The following CERKL variants were observed in gnomAD, a reference collection of about 807,000 sequenced individuals.
The protein encoded by CERKL is ceramide kinase-like protein.
A neutral mutation model predicts 63.4 loss-of-function variants in CERKL; 61 were observed. The ratio of observed to expected loss-of-function variants is 0.96; its 90% confidence interval spans 0.78 to 1.19. The LOEUF is 1.19. CERKL is among the 50% of genes most tolerant of loss of function. The probability of loss-of-function intolerance (pLI) is 0.00; values close to 1 mark genes in which losing one functional copy is unlikely to be tolerated. For synonymous variants in CERKL, 250 were observed against 230.5 expected (o/e 1.08, Z -0.77); for missense variants, 675 against 655.5 (o/e 1.03, Z -0.33).
At chr2:181,610,860 G>A (rs1685937681) in intron 1 of CERKL, among the ~76,000 whole-genome samples, 2 of 152,094 alleles carry the variant, frequency 1.3e-5, no homozygotes, top group African/African-American at 2.4e-5. Context: ...AAATATACCT[G>A]GTTTTGATCC....
At chr2:181,634,979 G>GA (rs967479840) in intron 1 of CERKL, among the ~76,000 whole-genome samples, 24 of 152,116 alleles carry the variant, frequency 1.6e-4, no homozygotes, top group African/African-American at 5.5e-4. Flanking sequence ...ATTACTGACT[G>GA]AAAATCTTTG....
At chr2:181,608,949 C>A (rs911862481) in intron 1 of CERKL, among the ~76,000 whole-genome samples, 6 of 152,084 alleles carry the variant, frequency 3.9e-5, no homozygotes, top group African/African-American at 1.4e-4. Flanking sequence ...ATTCCCATAT[C>A]AATTAGCATA....
At chr2:181,572,619 TC>T (rs1233683374) in intron 3 of CERKL, among the ~76,000 whole-genome samples, 16 of 150,870 alleles carry the variant, frequency 1.1e-4, no homozygotes, top group African/African-American at 2.9e-4. Flanking sequence ...TACTTGTAAA[TC>T]ACCTCTAAAT....
At chr2:181,640,455 T>C (rs2105508482) in intron 1 of CERKL, among the ~76,000 whole-genome samples, 1 of 152,338 alleles carries the variant, frequency 6.6e-6, no homozygotes, top group Non-Finnish European at 1.5e-5. Flanking sequence ...ATTTTAATGA[T>C]GCTTGTAGAC....
chr2:181,587,955 A>G (rs903444044), intron 2 of CERKL, among the ~76,000 whole-genome samples: 1 of 152,164 alleles, frequency 6.6e-6, no homozygotes, highest in Non-Finnish European at 1.5e-5. Context: ...CTTGTGTACT[A>G]TATGTTGAAG....
At chr2:181,634,203 T>C (rs1027888391) in intron 1 of CERKL, among the ~76,000 whole-genome samples, 4 of 152,082 alleles carry the variant, frequency 2.6e-5, no homozygotes, top group Non-Finnish European at 5.9e-5. Context: ...ACTCAAATAT[T>C]GTAGATTCAC....
chr2:181,554,397 C>G (rs1260198526), intron 5 of CERKL, among the ~76,000 whole-genome samples: 3 of 152,080 alleles, frequency 2.0e-5, no homozygotes, highest in African/African-American at 7.2e-5. Context: ...AGTCCCTCGG[C>G]AATATTTTAT....
chr2:181,552,355 G>A (rs1162307820), intron 5 of CERKL, among the ~76,000 whole-genome samples: 2 of 152,110 alleles, frequency 1.3e-5, no homozygotes, highest in Admixed American at 6.6e-5. Flanking sequence ...TCACGGGGGT[G>A]GTTTCCCCCA....
intron 4 of CERKL, among the ~76,000 whole-genome samples, chr2:181,563,633 A>C (rs1386602543): frequency 6.6e-6 from 1 of 152,020 alleles, no homozygotes; most frequent in African/African-American, 2.4e-5. Flanking sequence ...CTTTTCTATA[A>C]ATTTCCCCCA....
chr2:181,549,768 G>A, intron 5 of CERKL, 60 bp from the exon 6 acceptor site: 3 of 1,095,788 alleles, frequency 2.7e-6, no homozygotes, highest in Non-Finnish European at 4.2e-6. Context: ...ACTAACATTT[G>A]CTTTTACTTT....
chr2:181,566,534 A>C (rs1159215477), intron 3 of CERKL, among the ~76,000 whole-genome samples: 1 of 152,194 alleles, frequency 6.6e-6, no homozygotes, highest in African/African-American at 2.4e-5. Context: ...TACATGAATA[A>C]ATTAGTCAAA....
At chr2:181,650,922 A>G (rs892877965) in intron 1 of CERKL, among the ~76,000 whole-genome samples, 1 of 152,216 alleles carries the variant, frequency 6.6e-6, no homozygotes, top group Admixed American at 6.5e-5. Context: ...AAGTTTCATC[A>G]AATTTGATAA....
intron 9 of CERKL, 27 bp from the exon 10 acceptor site, chr2:181,547,753 T>C: frequency 6.2e-7 from 1 of 1,613,476 alleles, no homozygotes; most frequent in Non-Finnish European, 8.5e-7. Context: ...TGATTGGTTA[T>C]TTTCCCTCAC....
intron 1 of CERKL, among the ~76,000 whole-genome samples, chr2:181,604,868 A>AC (rs1685612619): frequency 6.6e-6 from 1 of 152,076 alleles, no homozygotes; most frequent in African/African-American, 2.4e-5. Flanking sequence ...GACTTAAAAA[A>AC]AAATAGTGGC....
chr2:181,614,197 G>A (rs559228947), intron 1 of CERKL, among the ~76,000 whole-genome samples: 34 of 152,316 alleles, frequency 2.2e-4, no homozygotes, highest in African/African-American at 7.5e-4. Context: ...AGGTTTCCAG[G>A]TGAAAAGCCC....
At chr2:181,609,344 CAT>C (rs1315400671) in intron 1 of CERKL, among the ~76,000 whole-genome samples, 8 of 146,328 alleles carry the variant, frequency 5.5e-5, no homozygotes, top group Non-Finnish European at 1.0e-4. Flanking sequence ...CAAGGAATCT[CAT>C]AAAATATTTG....
At chr2:181,612,200 C>T (rs920474768) in intron 1 of CERKL, among the ~76,000 whole-genome samples, 1 of 152,172 alleles carries the variant, frequency 6.6e-6, no homozygotes, top group Non-Finnish European at 1.5e-5. Context: ...TACTACAACT[C>T]GTTAACAACA....
intron 2 of CERKL, among the ~76,000 whole-genome samples, chr2:181,596,422 T>A (rs1408398436): frequency 6.6e-6 from 1 of 152,166 alleles, no homozygotes; most frequent in Non-Finnish European, 1.5e-5. Context: ...ATAAATAGAA[T>A]GAATCACTTC....
chr2:181,594,107 G>T (rs923306024), intron 2 of CERKL, among the ~76,000 whole-genome samples: 6 of 152,100 alleles, frequency 3.9e-5, no homozygotes, highest in African/African-American at 1.4e-4. Context: ...TAGATAAGGA[G>T]AATACTCAGT....
Sources: allele counts gnomAD v4.1 joint callset (sites outside exome capture counted in the v4.1 genomes callset), GRCh38; gene constraint gnomAD v4.1.1; transcripts MANE v1.5; gene names NCBI Gene and HGNC (gene_info 2026-07-23, HGNC 2026-07-21).